SEZ6L: variants seen among roughly 807,000 people sequenced by gnomAD.
SEZ6L encodes the protein seizure related 6 homolog like.
Under a neutral mutation model 106.2 loss-of-function variants are expected in SEZ6L, and 37 were observed. The observed-to-expected ratio is 0.35, with a 90% CI of 0.27 to 0.46. The LOEUF (loss-of-function observed/expected upper bound fraction) is 0.46. SEZ6L is among the 20% of genes least tolerant of loss of function. SEZ6L has a pLI of 1.00. For synonymous variants in SEZ6L, 541 were observed against 570.4 expected, an observed-to-expected ratio of 0.95 and a Z score of 0.73; for missense variants, 1,172 against 1,332.8, an observed-to-expected ratio of 0.88 and a Z score of 1.88.
chr22:26,365,298 T>C, intron 12 of SEZ6L, 74 bp from the exon 13 acceptor site: 1 of 1,345,454 alleles, frequency 7.4e-7, no homozygotes, highest in Non-Finnish European at 1.0e-6. Context: ...CAAAGCTAGA[T>C]CACACGGGTT....
chr22:26,262,244 T>TTATCTATCTATCTATCTATC (rs58457773), intron 1 of SEZ6L, among the ~76,000 whole-genome samples: 5,917 of 144,260 alleles, frequency 0.041, 173 homozygotes, highest in East Asian at 0.07. Flanking sequence ...TTGATATATT[T>TTATCTATCTATCTATCTATC]TATCTATCTA....
At chr22:26,262,378 C>G (rs530843632) in intron 1 of SEZ6L, among the ~76,000 whole-genome samples, 4 of 151,974 alleles carry the variant, frequency 2.6e-5, no homozygotes, top group Non-Finnish European at 4.4e-5. Flanking sequence ...TCATGTAAAT[C>G]TGCAGAAATC....
intron 15 of SEZ6L, 57 bp from the exon 16 acceptor site, chr22:26,377,616 T>C: frequency 2.9e-6 from 4 of 1,397,970 alleles, no homozygotes; most frequent in East Asian, 2.3e-5. Context: ...CCGTTCAATA[T>C]TGTAATGTTT....
At chr22:26,329,339 G>C (rs2082411616) in intron 9 of SEZ6L, among the ~76,000 whole-genome samples, 1 of 152,086 alleles carries the variant, frequency 6.6e-6, no homozygotes, top group African/African-American at 2.4e-5. Flanking sequence ...TTGGTGGTGG[G>C]TGCCTGTAGT....
intron 1 of SEZ6L, among the ~76,000 whole-genome samples, chr22:26,194,339 G>A (rs1291464922): frequency 6.6e-6 from 1 of 152,190 alleles, no homozygotes; most frequent in East Asian, 1.9e-4. Flanking sequence ...GATGCAAATG[G>A]AAGACAATGG....
rs1310886735 is a variant in SEZ6L, at chr22:26,238,448, A to G, written c.95-53958A>G. Among the ~76,000 whole-genome samples the G allele has an allele frequency of 3.3e-5, 5 of 152,246 alleles. No homozygotes were observed. In the South Asian group the frequency reaches 6.2e-4, roughly 19 times the overall value. Reference sequence around the variant, plus strand: ...CATTCATTCAACCACTCCTTCATCCACTTCAAAACTGTTGATTAGCACCTG... The same window carrying G: ...CATTCATTCAACCACTCCTTCATCCGCTTCAAAACTGTTGATTAGCACCTG... On this transcript the variant is annotated intron_variant, in intron 1 of 16. Transcript: ENST00000248933.
chr22:26,339,963 A>G (rs1207373), intron 9 of SEZ6L, among the ~76,000 whole-genome samples: 122,816 of 152,134 alleles, frequency 0.81, 49,993 homozygotes, highest in African/African-American at 0.85. Context: ...GGCCGGGCAC[A>G]GTGACTCACG....
rs3070663 is a variant in SEZ6L at position 26,305,888 on chromosome 22, T to TTC, written c.1349-75_1349-74dup. The TTC allele has an allele frequency of 4.0e-4, 475 of 1,194,526 alleles. No individual in the cohort carries two copies. The East Asian group carries it at 6.0e-3, about 15-fold the overall frequency. 74.0% of individuals were successfully genotyped at this position (1,194,526 alleles called of 1,614,324 possible). A position where few individuals can be genotyped will look rare whatever the true frequency, so the allele number is the denominator to read the frequency against. ...AGGGGAGAATGAAACACTCACTTCC[T>TTC]TCTCTCTCTCTCTCTCTTTCTCTCT... On this transcript the variant is annotated intron_variant, in intron 5 of 16. Transcript: ENST00000248933.
At chr22:26,378,916 T>C (rs1247216237) in intron 16 of SEZ6L, among the ~76,000 whole-genome samples, 1 of 152,226 alleles carries the variant, frequency 6.6e-6, no homozygotes, top group Non-Finnish European at 1.5e-5. Context: ...ACAATATTAC[T>C]GCAAACTTAG....
chr22:26,376,242 G>C (rs920317142), intron 15 of SEZ6L, among the ~76,000 whole-genome samples: 1 of 152,134 alleles, frequency 6.6e-6, no homozygotes, highest in Non-Finnish European at 1.5e-5. Context: ...TGCCCTCCTG[G>C]GGTTCAGGTT....
chr22:26,170,601 C>G (rs1366401815), intron 1 of SEZ6L, among the ~76,000 whole-genome samples: 1 of 152,090 alleles, frequency 6.6e-6, no homozygotes, highest in Non-Finnish European at 1.5e-5. Context: ...CTCTCCACCC[C>G]GGTAAGGTAC....
chr22:26,359,597 G>A (rs8138736), intron 12 of SEZ6L, among the ~76,000 whole-genome samples: 11,565 of 152,068 alleles, frequency 0.076, 1,548 homozygotes, highest in African/African-American at 0.26. Flanking sequence ...CAGGAGTTCA[G>A]GACCAGCCTG....
intron 1 of SEZ6L, among the ~76,000 whole-genome samples, chr22:26,268,007 C>T (rs1259001792): frequency 2.6e-5 from 4 of 152,204 alleles, no homozygotes; most frequent in Non-Finnish European, 5.9e-5. Flanking sequence ...ATACACATGG[C>T]ACTATTCAAA....
At chr22:26,222,585 A>AC (rs990144407) in intron 1 of SEZ6L, among the ~76,000 whole-genome samples, 1 of 152,098 alleles carries the variant, frequency 6.6e-6, no homozygotes, top group Non-Finnish European at 1.5e-5. Context: ...TGGAGAAAAA[A>AC]AACTGAGGAT....
chr22:26,290,489 G>A (rs990369319), intron 1 of SEZ6L, among the ~76,000 whole-genome samples: 24 of 152,238 alleles, frequency 1.6e-4, no homozygotes, highest in Admixed American at 1.2e-3. Context: ...CCGAGATCGC[G>A]CCACTGCACT....
intron 5 of SEZ6L, among the ~76,000 whole-genome samples, chr22:26,300,541 A>G (rs2081423270): frequency 6.6e-6 from 1 of 152,170 alleles, no homozygotes; most frequent in Admixed American, 6.5e-5. Context: ...CATTTTCTTA[A>G]ACCAGTCTAT....
chr22:26,189,403 T>C (rs185222122), intron 1 of SEZ6L, among the ~76,000 whole-genome samples: 1 of 152,342 alleles, frequency 6.6e-6, no homozygotes, highest in Non-Finnish European at 1.5e-5. Flanking sequence ...TAAATTACTT[T>C]GAGCTGAGAA....
intron 12 of SEZ6L, among the ~76,000 whole-genome samples, chr22:26,355,686 C>T (rs1026192075): frequency 1.3e-5 from 2 of 152,174 alleles, no homozygotes; most frequent in East Asian, 3.9e-4. Context: ...GCAGAGATCA[C>T]GCCACTGCAC....
chr22:26,182,063 AC>A (rs1447498669), intron 1 of SEZ6L, among the ~76,000 whole-genome samples: 3 of 152,306 alleles, frequency 2.0e-5, no homozygotes, highest in African/African-American at 4.8e-5. Flanking sequence ...CAAGGCAGGC[AC>A]TGTTTTATCT....
Sources: allele counts gnomAD v4.1 joint callset (sites outside exome capture counted in the v4.1 genomes callset), GRCh38; gene constraint gnomAD v4.1.1; transcripts MANE v1.5; gene names NCBI Gene and HGNC (gene_info 2026-07-23, HGNC 2026-07-21).